EPB41L4A: variants seen among roughly 807,000 people sequenced by gnomAD.
EPB41L4A encodes the protein band 4.1-like protein 4A.
In EPB41L4A, 100 loss-of-function variants were observed where a neutral mutation model predicts 108.6. The ratio of observed to expected loss-of-function variants is 0.92; its 90% confidence interval spans 0.78 to 1.09. The LOEUF (loss-of-function observed/expected upper bound fraction) is 1.09. Among genes scored for constraint, EPB41L4A ranks in the 50% least tolerant of loss-of-function variants. The pLI is 0.00. For synonymous variants in EPB41L4A, 319 were observed against 289.0 expected (o/e 1.10, Z -1.05); for missense variants, 1,030 against 842.7 (o/e 1.22, Z -2.75).
At chr5:112,409,765 C>T (rs987076644) in intron 1 of EPB41L4A, among the ~76,000 whole-genome samples, 12 of 152,162 alleles carry the variant, frequency 7.9e-5, no homozygotes, top group African/African-American at 2.7e-4. Flanking sequence ...CTACCACTCA[C>T]CGGGAAAGGA....
intron 12 of EPB41L4A, among the ~76,000 whole-genome samples, chr5:112,211,119 A>G (rs1180828948): frequency 6.6e-6 from 1 of 152,218 alleles, no homozygotes; most frequent in Non-Finnish European, 1.5e-5. Context: ...TTTAAAAAAA[A>G]TGGGCCTTTC....
At chr5:112,153,576 T>TAG (rs67890908) in intron 12 of EPB41L4A, among the ~76,000 whole-genome samples, 204 of 147,522 alleles carry the variant, frequency 1.4e-3, no homozygotes, top group African/African-American at 4.5e-3. Context: ...CATATATATA[T>TAG]AGAGAGAGAG....
chr5:112,342,114 T>C (rs1199513149), intron 1 of EPB41L4A, among the ~76,000 whole-genome samples: 3 of 152,198 alleles, frequency 2.0e-5, no homozygotes, highest in South Asian at 4.1e-4. Flanking sequence ...CTAAAACATA[T>C]TAAAATCTTC....
At chr5:112,339,531 T>TCTATATATAG (rs368050224) in intron 1 of EPB41L4A, among the ~76,000 whole-genome samples, 53,787 of 112,598 alleles carry the variant, frequency 0.48, 12,079 homozygotes, top group South Asian at 0.68. Context: ...TATATATCTA[T>TCTATATATAG]ATATATATAT....
chr5:112,189,194 TC>T (rs893950253), intron 17 of EPB41L4A, among the ~76,000 whole-genome samples: 7 of 152,216 alleles, frequency 4.6e-5, no homozygotes, highest in African/African-American at 1.7e-4. Flanking sequence ...AGGGAGCTGG[TC>T]CCCATTTTAC....
chr5:112,324,921 G>A (rs1224372568), intron 1 of EPB41L4A, among the ~76,000 whole-genome samples: 1 of 152,004 alleles, frequency 6.6e-6, no homozygotes, highest in Admixed American at 6.6e-5. Flanking sequence ...TGGTAGATGA[G>A]CTACAACAAT....
At chr5:112,202,320 G>A (rs1186135682) in intron 15 of EPB41L4A, among the ~76,000 whole-genome samples, 1 of 152,154 alleles carries the variant, frequency 6.6e-6, no homozygotes, top group Non-Finnish European at 1.5e-5. Flanking sequence ...TGGTCTCCAG[G>A]TAACACCCAC....
At chr5:112,275,765 A>T (rs1464765) in intron 3 of EPB41L4A, among the ~76,000 whole-genome samples, 63,137 of 149,740 alleles carry the variant, frequency 0.42, 13,422 homozygotes, top group African/African-American at 0.48. Context: ...TCATTTCATT[A>T]AAAAAAAATA....
At chr5:112,186,280 C>G (rs889650434) in intron 17 of EPB41L4A, among the ~76,000 whole-genome samples, 6 of 152,290 alleles carry the variant, frequency 3.9e-5, no homozygotes, top group African/African-American at 1.4e-4. Flanking sequence ...CAAACACATA[C>G]TTTTCCTAGA....
chr5:112,357,307 A>G (rs1758416642), intron 1 of EPB41L4A, among the ~76,000 whole-genome samples: 1 of 152,210 alleles, frequency 6.6e-6, no homozygotes, highest in Non-Finnish European at 1.5e-5. Context: ...TGCCCATAAT[A>G]ATCTGAATGT....
intron 12 of EPB41L4A, among the ~76,000 whole-genome samples, chr5:112,233,414 C>T (rs922442810): frequency 1.3e-5 from 2 of 152,124 alleles, no homozygotes; most frequent in African/African-American, 2.4e-5. Flanking sequence ...TGTCTACACA[C>T]ATATGTATAC....
chr5:112,395,724 G>T (rs543903803), intron 1 of EPB41L4A, among the ~76,000 whole-genome samples: 1 of 152,290 alleles, frequency 6.6e-6, no homozygotes, highest in African/African-American at 2.4e-5. Context: ...AATACCATTT[G>T]ACCCAGTGAT....
intron 1 of EPB41L4A, among the ~76,000 whole-genome samples, chr5:112,314,505 T>TAAAAAAAAAAAAAA (rs552428109): frequency 1.5e-3 from 84 of 55,190 alleles, no homozygotes; most frequent in Non-Finnish European, 1.8e-3. Context: ...CCATCGCTAC[T>TAAAAAAAAAAAAAA]AAAAAAAAAA....
At chr5:112,345,843 A>C in intron 1 of EPB41L4A, among the ~76,000 whole-genome samples, 1 of 151,402 alleles carries the variant, frequency 6.6e-6, no homozygotes, top group Non-Finnish European at 1.5e-5. Flanking sequence ...AGCCCCAGCA[A>C]CCTGGGATGA....
At chr5:112,344,860 A>G (rs575373952) in intron 1 of EPB41L4A, among the ~76,000 whole-genome samples, 3 of 152,352 alleles carry the variant, frequency 2.0e-5, no homozygotes, top group Admixed American at 6.5e-5. Flanking sequence ...AGTAGACTGT[A>G]CAGTACAGAA....
intron 15 of EPB41L4A, among the ~76,000 whole-genome samples, chr5:112,198,937 T>TTGTTTTAGTC (rs1338424196): frequency 6.6e-6 from 1 of 152,156 alleles, no homozygotes; most frequent in Admixed American, 6.5e-5. Flanking sequence ...CCCCATTTGT[T>TTGTTTTAGTC]TGTTTTAGTC....
chr5:112,345,080 T>C (rs1757551650), intron 1 of EPB41L4A, among the ~76,000 whole-genome samples: 1 of 152,226 alleles, frequency 6.6e-6, no homozygotes, highest in South Asian at 2.1e-4. Flanking sequence ...TATAATGACT[T>C]GGTATTACTC....
At position 112,261,206 on chromosome 5, in the gene EPB41L4A, T is replaced by A. The variant is rs79983768; in HGVS notation, c.643-1227A>T. On this transcript the variant is annotated intron_variant, in intron 7 of 22. Coordinates refer to ENST00000261486, the MANE Select transcript of EPB41L4A (RefSeq NM_022140.5). ...GAATCTAATATATCAGGGAACTACT[T>A]CTTCCCCACAATCTATAGCTTTTAT... Among the ~76,000 whole-genome samples, 1,061 of 152,312 alleles carry A rather than the reference T, an allele frequency of 7.0e-3. 13 individuals are homozygous for A. The highest frequency in any genetic ancestry group is 0.024 in the African/African-American group (1,007 of 41,572).
chr5:112,298,294 C>T (rs1209527392), intron 2 of EPB41L4A, among the ~76,000 whole-genome samples: 2 of 151,860 alleles, frequency 1.3e-5, no homozygotes, highest in Non-Finnish European at 2.9e-5. Flanking sequence ...TCAACTTTTC[C>T]CCGTTCATAT....
Sources: gnomAD v4.1 joint callset for allele counts (sites outside exome capture counted in the v4.1 genomes callset) on GRCh38, gnomAD v4.1.1 for gene constraint, MANE v1.5 for transcripts, NCBI Gene and HGNC (gene_info 2026-07-23, HGNC 2026-07-21) for gene names.